TENT5A: variants seen among roughly 807,000 people sequenced by gnomAD.
TENT5A encodes terminal nucleotidyltransferase 5A.
A neutral mutation model predicts 30.2 loss-of-function variants in TENT5A; 9 were observed. The observed-to-expected ratio is 0.30, with a 90% CI of 0.18 to 0.52. TENT5A has a LOEUF of 0.52. TENT5A is among the 20% of genes least tolerant of loss of function. TENT5A has a pLI of 0.97. For missense variants in TENT5A, 411 were observed against 566.1 expected (o/e 0.73, Z 2.78); for synonymous variants, 264 against 234.2 (o/e 1.13, Z -1.16).
rs1769068413 is a variant in TENT5A at position 81,752,411 on chromosome 6, G to C, written c.-38+20C>G. On this transcript the variant is annotated intron_variant, in intron 1 of 2. Coordinates refer to ENST00000320172, the MANE Select transcript of TENT5A (RefSeq NM_017633.3). ...TCTGATGCATCTGGAAAGCGCAAGC[G>C]AGAGTCCCGTCTGTGTCACCTGGAG... 1 of 1,549,996 alleles carries C rather than the reference G, an allele frequency of 6.5e-7. No homozygotes were observed. Among genetic ancestry groups the C allele is most frequent in the East Asian group, 2.4e-5 (1 of 40,862 alleles).
Position 81,747,904 on chromosome 6 carries a change from G to C in TENT5A, c.*1791C>G. The C allele has an allele frequency of 1.0e-6, 1 of 985,432 alleles. No individual in the cohort carries two copies. Among genetic ancestry groups the C allele is most frequent in the Non-Finnish European group, 1.2e-6 (1 of 829,556 alleles). The allele number at this position is 985,432 out of a possible 1,614,324, so 61.0% of individuals were successfully genotyped here. On this transcript the variant is annotated 3_prime_UTR_variant, in exon 3 of 3. Transcript: ENST00000320172. ...AGTTCATTTCACAAAGGTATAACTG[G>C]TATTTTTGTAAGAAAGAAAATAAAG...
Position 81,751,790 on chromosome 6 carries a change from C to A in TENT5A, c.352G>T (p.Val118Leu), listed in dbSNP as rs1318722798. The part of the protein sequence containing the change: ...LAEKRIGVRD[V>L]RLNGSAASHV... The stretch of plus-strand genomic sequence containing the variant: ...CTGGCTGCCGAGCCGTTGAGGCGCA[C>A]GTCGCGGACGCCAATGCGCTTCTCG... Residue 118 changes from valine to leucine, a missense_variant, in exon 2 of 3, where the codon GTG (valine) becomes TTG (leucine). By Grantham distance (32) the Val-to-Leu change is conservative. Around this residue, in one of 5 missense-constraint regions of TENT5A, gnomAD observed 157 missense variants for 183.2 expected, o/e 0.86. Transcript: ENST00000320172. 6.2e-7 allele frequency: 1 copy of A among 1,612,944 alleles called. No homozygotes were observed. Among genetic ancestry groups the A allele is most frequent in the South Asian group, 1.1e-5 (1 of 91,050 alleles).
Position 81,751,815 on chromosome 6 carries a change from G to A in TENT5A, c.327C>T (p.Ala109=), listed in dbSNP as rs765250519. 17 of 1,612,528 alleles carry A rather than the reference G, an allele frequency of 1.1e-5. No homozygotes were observed. Among genetic ancestry groups the A allele is most frequent in the Admixed American group, 3.3e-5 (2 of 59,984 alleles). Residue 109 remains alanine, a synonymous_variant, in exon 2 of 3, where the codon GCC becomes GCT. Coordinates refer to ENST00000320172, the MANE Select transcript of TENT5A (RefSeq NM_017633.3). ...CGTCGCGGACGCCAATGCGCTTCTCGGCCAGGCGCCGCCGCACCACCTTCA... is the reference window on the plus strand; with the variant it reads ...CGTCGCGGACGCCAATGCGCTTCTCAGCCAGGCGCCGCCGCACCACCTTCA... ...LIVKVVRRRL[A]EKRIGVRDVR... is the part of the protein sequence containing the mutation.
At position 81,749,961 on chromosome 6, in the gene TENT5A, G is replaced by C. The variant is rs1429584611; in HGVS notation, c.1063C>G (p.Leu355Val). 1 of 1,614,052 alleles carries C rather than the reference G, an allele frequency of 6.2e-7. No individual in the cohort carries two copies. Among genetic ancestry groups the C allele is most frequent in the Non-Finnish European group, 8.5e-7 (1 of 1,180,024 alleles). Reference protein sequence around the residue: ...VGLEDRKYEYLMTLHGVVNES... With the variant: ...VGLEDRKYEYVMTLHGVVNES... The stretch of plus-strand genomic sequence containing the variant: ...TTTACCACTCCATGAAGGGTCATGA[G>C]ATACTCATACTTGCGGTCTTCCAAT... Residue 355 changes from leucine (L) to valine (V), a missense_variant, in exon 3 of 3, where the codon CTC becomes GTC. By Grantham distance (32) the Leu-to-Val change is conservative. Around this residue, in one of 5 missense-constraint regions of TENT5A, gnomAD observed 135 missense variants for 240.0 expected, o/e 0.56. Coordinates refer to ENST00000320172, the MANE Select transcript of TENT5A (RefSeq NM_017633.3).
In TENT5A at chr6:81,748,369, T is replaced by A; in HGVS notation, c.*1326A>T. On this transcript the variant is annotated 3_prime_UTR_variant, in exon 3 of 3. Coordinates refer to ENST00000320172, the MANE Select transcript of TENT5A (RefSeq NM_017633.3). The stretch of plus-strand genomic sequence containing the variant: ...AACAAATATTCTCCCATTTGTGGAA[T>A]TTTATGGCTCACCAAAGAAAAAAAA... The A allele has an allele frequency of 1.0e-6, 1 of 983,002 alleles. No individual in the cohort carries two copies. Among genetic ancestry groups the A allele is most frequent in the Non-Finnish European group, 1.2e-6 (1 of 829,002 alleles). The allele number at this position is 983,002 out of a possible 1,614,324, so 60.9% of individuals were successfully genotyped here. A position where few individuals can be genotyped will look rare whatever the true frequency, so the allele number is the denominator to read the frequency against.
rs544660565 is a variant in TENT5A, at chr6:81,749,714, G to A, written c.1310C>T (p.Thr437Ile). The change falls in exon 3 of 3, where the codon ACT (threonine) becomes ATT (isoleucine). Residue 437 changes from threonine (T) to isoleucine (I), a missense_variant. Around this residue, in one of 5 missense-constraint regions of TENT5A, gnomAD observed 75 missense variants for 80.9 expected, o/e 0.93. Coordinates refer to ENST00000320172, the MANE Select transcript of TENT5A (RefSeq NM_017633.3). ...VFTCQQQTYS[T>I]WLPCN ...TGATTCTTAATTGCAGGGTAGCCAA[G>A]TGGAGTAGGTCTGTTGCTGGCACGT... 4 of 1,611,788 alleles carry A rather than the reference G, an allele frequency of 2.5e-6. No homozygotes were observed. Among genetic ancestry groups the A allele is most frequent in the Non-Finnish European group, 8.5e-7 (1 of 1,178,852 alleles).
intron 2 of TENT5A, 39 bp downstream of exon 2, chr6:81,751,551 G>C (rs756638909): frequency 1.3e-6 from 2 of 1,539,944 alleles, no homozygotes; most frequent in East Asian, 2.3e-5. Context: ...ACCCGGCCCA[G>C]ACTGGGTCAG....
rs1768909218 is a variant in TENT5A, at chr6:81,747,421, G to C, written c.*2274C>G. 1.0e-6 allele frequency: 1 copy of C among 985,702 alleles called. No individual in the cohort carries two copies. The highest frequency in any genetic ancestry group is 6.2e-5 in the Admixed American group (1 of 16,252). 61.1% of individuals were successfully genotyped at this position (985,702 alleles called of 1,614,324 possible). On this transcript the variant is annotated 3_prime_UTR_variant, in exon 3 of 3. Transcript: ENST00000320172. ...GAGGAGTTCCTTAGAAAACTGAGTG[G>C]CAGTGCAGCGGCTGTTGCAGCTCTG...
Position 81,746,246 on chromosome 6 carries a change from A to G in TENT5A, c.*3449T>C, listed in dbSNP as rs1167959446. The G allele has an allele frequency of 1.2e-5, 14 of 1,153,236 alleles. No homozygotes were observed. The highest frequency in any genetic ancestry group is 1.5e-5 in the Non-Finnish European group (14 of 939,418). The allele number at this position is 1,153,236 out of a possible 1,614,324, so 71.4% of individuals were successfully genotyped here. A position where few individuals can be genotyped will look rare whatever the true frequency, so the allele number is the denominator to read the frequency against. The stretch of plus-strand genomic sequence containing the variant: ...AACACACTTCATCTTCAACAACAAC[A>G]AAAAAGCTTATTTTTGAACTGACAG... On this transcript the variant is annotated 3_prime_UTR_variant, in exon 3 of 3. Coordinates refer to ENST00000320172, the MANE Select transcript of TENT5A (RefSeq NM_017633.3).
chr6:81,749,337 T>C lies in TENT5A; in HGVS notation c.*358A>G. 1 of 1,023,770 alleles carries C rather than the reference T, an allele frequency of 9.8e-7. No individual in the cohort carries two copies. The highest frequency in any genetic ancestry group is 4.6e-5 in the South Asian group (1 of 21,700). 63.4% of individuals were successfully genotyped at this position (1,023,770 alleles called of 1,614,324 possible). A position where few individuals can be genotyped will look rare whatever the true frequency, so the allele number is the denominator to read the frequency against. On this transcript the variant is annotated 3_prime_UTR_variant, in exon 3 of 3. Coordinates refer to ENST00000320172, the MANE Select transcript of TENT5A (RefSeq NM_017633.3). The stretch of plus-strand genomic sequence containing the variant: ...CATCTTAAAAGAAACTTTCCACTTT[T>C]TTTTTTCCTATGGCAAAGCTATGGG...
At position 81,749,232 on chromosome 6, in the gene TENT5A, T is replaced by C; in HGVS notation, c.*463A>G. 1 of 987,188 alleles carries C rather than the reference T, an allele frequency of 1.0e-6. No individual in the cohort carries two copies. The highest frequency in any genetic ancestry group is 1.2e-6 in the Non-Finnish European group (1 of 830,916). The allele number at this position is 987,188 out of a possible 1,614,324, so 61.2% of individuals were successfully genotyped here. ...GTTCCCCTTTTTCCTGTATTGTTAC[T>C]ATTAATATCTGAACTCCTAAACTGA... On this transcript the variant is annotated 3_prime_UTR_variant, in exon 3 of 3. Transcript: ENST00000320172.
chr6:81,746,469 C>T lies in TENT5A; in HGVS notation c.*3226G>A, dbSNP rs904444614. The T allele has an allele frequency of 9.7e-6, 12 of 1,231,828 alleles. No homozygotes were observed. In the East Asian group the frequency reaches 2.2e-4, roughly 23 times the overall value. 76.3% of individuals were successfully genotyped at this position (1,231,828 alleles called of 1,614,324 possible). ...TTCTTCCATCCTTGCATTTTTGGAG[C>T]TACATTATTAGTCCATCCAATACCA... On this transcript the variant is annotated 3_prime_UTR_variant, in exon 3 of 3. Coordinates refer to ENST00000320172, the MANE Select transcript of TENT5A (RefSeq NM_017633.3).
Position 81,745,980 on chromosome 6 carries a change from C to G in TENT5A, c.*3715G>C. 1 of 985,862 alleles carries G rather than the reference C, an allele frequency of 1.0e-6. No homozygotes were observed. Among genetic ancestry groups the G allele is most frequent in the Non-Finnish European group, 1.2e-6 (1 of 829,942 alleles). 61.1% of individuals were successfully genotyped at this position (985,862 alleles called of 1,614,324 possible). On this transcript the variant is annotated 3_prime_UTR_variant, in exon 3 of 3. Transcript: ENST00000320172. ...ATTGTAGAGAGGTTGGAGGGAGAGA[C>G]AGCCAGCAGGCAGAGCCTCCTCCGT... is the stretch of plus-strand genomic sequence containing the variant.
chr6:81,748,590 C>G lies in TENT5A; in HGVS notation c.*1105G>C, dbSNP rs905044381. On this transcript the variant is annotated 3_prime_UTR_variant, in exon 3 of 3. Coordinates refer to ENST00000320172, the MANE Select transcript of TENT5A (RefSeq NM_017633.3). ...AACATTTCCTATTTGAGACATTATTCTAGATCATAGTCAATCTACTGTGTA... is the reference window on the plus strand; with the variant it reads ...AACATTTCCTATTTGAGACATTATTGTAGATCATAGTCAATCTACTGTGTA... 3.0e-5 allele frequency: 29 copies of G among 975,684 alleles called. No homozygotes were observed. The African/African-American group carries it at 4.9e-4, about 17-fold the overall frequency. The allele number at this position is 975,684 out of a possible 1,614,324, so 60.4% of individuals were successfully genotyped here.
Position 81,745,949 on chromosome 6 carries a change from G to C in TENT5A, c.*3746C>G. On this transcript the variant is annotated 3_prime_UTR_variant, in exon 3 of 3. Transcript: ENST00000320172. ...TGCTGCAACAGAACACCTCAAAGCA[G>C]GCATGATTGTAGAGAGGTTGGAGGG... is the stretch of plus-strand genomic sequence containing the variant. 2 of 985,728 alleles carry C rather than the reference G, an allele frequency of 2.0e-6. No homozygotes were observed. The highest frequency in any genetic ancestry group is 3.5e-5 in the African/African-American group (2 of 57,238). The allele number at this position is 985,728 out of a possible 1,614,324, so 61.1% of individuals were successfully genotyped here. A position where few individuals can be genotyped will look rare whatever the true frequency, so the allele number is the denominator to read the frequency against.
intron 1 of TENT5A, 86 bp from the exon 2 acceptor site, chr6:81,752,264 A>G (rs1253347279): frequency 1.3e-6 from 2 of 1,483,266 alleles, no homozygotes; most frequent in Non-Finnish European, 1.8e-6. Flanking sequence ...CCGCCAGGAA[A>G]AGAGCGCCCC....
rs1360430404 is a variant in TENT5A, at chr6:81,748,807, GATAAA to G, written c.*883_*887del. On this transcript the variant is annotated 3_prime_UTR_variant, in exon 3 of 3. Coordinates refer to ENST00000320172, the MANE Select transcript of TENT5A (RefSeq NM_017633.3). ...TTATTTTCTTCTTGAGGCAGTCCCT[GATAAA>G]ATAAAATAATCATTAAACCATAAAA... 1.0e-5 allele frequency: 10 copies of G among 985,078 alleles called. No individual in the cohort carries two copies. In the African/African-American group the frequency reaches 1.0e-4, roughly 10 times the overall value. 61.0% of individuals were successfully genotyped at this position (985,078 alleles called of 1,614,324 possible).
chr6:81,752,265 AG>A, intron 1 of TENT5A, 87 bp from the exon 2 acceptor site: 1 of 1,482,506 alleles, frequency 6.7e-7, no homozygotes, highest in East Asian at 2.5e-5. Flanking sequence ...CGCCAGGAAA[AG>A]AGCGCCCCCT....
At chr6:81,752,406 C>T in intron 1 of TENT5A, 25 bp downstream of exon 1, 1 of 1,550,152 alleles carries the variant, frequency 6.5e-7, no homozygotes, top group Non-Finnish European at 8.7e-7. Context: ...CTGGAAAGCG[C>T]AAGCGAGAGT....
Sources: gnomAD v4.1 joint callset for allele counts on GRCh38, gnomAD v4.1.1 for gene constraint, gnomAD v4.1.1 regional missense constraint, MANE v1.5 for transcripts, NCBI Gene and HGNC (gene_info 2026-07-23, HGNC 2026-07-21) for gene names.